Variants in MARK1 observed in about 807,000 individuals in gnomAD.
MARK1 encodes microtubule affinity regulating kinase 1, also known as serine/threonine-protein kinase MARK1.
Under a neutral mutation model 96.3 loss-of-function variants are expected in MARK1, and 40 were observed. The observed-to-expected ratio is 0.42, with a 90% confidence interval of 0.32 to 0.54. MARK1 has a LOEUF of 0.54. Ranked by LOEUF, MARK1 falls within the 20% of genes least tolerant of loss-of-function variation. The probability of loss-of-function intolerance (pLI) is 0.16; values close to 1 mark genes in which losing one functional copy is unlikely to be tolerated. For missense variants in MARK1, 719 were observed against 984.6 expected (o/e 0.73, Z 3.61); for synonymous variants, 317 against 341.2 (o/e 0.93, Z 0.78).
In MARK1 at chr1:220,590,240, CT is replaced by C. The variant is rs1351749862; in HGVS notation, c.310-8087del. ...TTAGACATTTGCTTAAGATGTGGTA[CT>C]TTTCAATTGGCCAAAATTCTCTAGA... On this transcript the variant is annotated intron_variant, in intron 3 of 17. Transcript: ENST00000366917. 2.2e-4 allele frequency among the ~76,000 whole-genome samples: 34 copies of C among 152,260 alleles called. No individual in the cohort carries two copies. The South Asian group carries it at 7.1e-3, about 32-fold the overall frequency.
In MARK1 at chr1:220,567,355, C is replaced by G. The variant is rs146203413; in HGVS notation, c.52-11999C>G. On this transcript the variant is annotated intron_variant, in intron 1 of 17. Coordinates refer to ENST00000366917, the MANE Select transcript of MARK1 (RefSeq NM_018650.5). ...TGGGAATTTATTTGTAGGCTAAAAT[C>G]TTAGAAGTGGAGTTGCTGGCTCATG... is the stretch of plus-strand genomic sequence containing the variant. Among the ~76,000 whole-genome samples the G allele has an allele frequency of 8.5e-5, 13 of 152,158 alleles. No individual in the cohort carries two copies. The East Asian group carries it at 2.5e-3, about 29-fold the overall frequency.
intron 7 of MARK1, among the ~76,000 whole-genome samples, chr1:220,617,085 C>T (rs1260510413): frequency 1.3e-5 from 2 of 152,102 alleles, no homozygotes; most frequent in East Asian, 3.9e-4. Flanking sequence ...TCACAAACAG[C>T]TGCAGAAATT....
At chr1:220,657,263 G>A (rs2103068999) in intron 16 of MARK1, among the ~76,000 whole-genome samples, 1 of 152,194 alleles carries the variant, frequency 6.6e-6, no homozygotes, top group Non-Finnish European at 1.5e-5. Context: ...TTGCCTACAT[G>A]GATAGGCTGT....
At chr1:220,586,882 C>G (rs1664661774) in intron 3 of MARK1, among the ~76,000 whole-genome samples, 1 of 152,110 alleles carries the variant, frequency 6.6e-6, no homozygotes, top group Admixed American at 6.5e-5. Context: ...ATAAACTAGT[C>G]TATTTTTAAT....
chr1:220,586,203 G>A (rs2102862261), intron 3 of MARK1, among the ~76,000 whole-genome samples: 1 of 152,078 alleles, frequency 6.6e-6, no homozygotes, highest in African/African-American at 2.4e-5. Flanking sequence ...CCACCTCATG[G>A]ACCATGAACT....
chr1:220,645,275 A>G (rs1668517839), intron 13 of MARK1, among the ~76,000 whole-genome samples: 1 of 152,224 alleles, frequency 6.6e-6, no homozygotes. Flanking sequence ...CCATCAGAGA[A>G]TACTAAAAAC....
intron 13 of MARK1, among the ~76,000 whole-genome samples, chr1:220,639,721 C>T (rs144118056): frequency 6.6e-6 from 1 of 152,314 alleles, no homozygotes; most frequent in East Asian, 1.9e-4. Flanking sequence ...CCTAAAACCT[C>T]AGCTCTGATG....
intron 3 of MARK1, among the ~76,000 whole-genome samples, chr1:220,596,528 T>C (rs1665366392): frequency 6.6e-6 from 1 of 152,220 alleles, no homozygotes. Flanking sequence ...AATTTATTTA[T>C]ATGAATATAC....
rs1242018582 is a variant in MARK1, at chr1:220,662,219, T to G, written c.*53T>G. ...AGATACATACATATATGAGGTACAG[T>G]TTTTGAATGTACTGGTAATGCCTAA... On this transcript the variant is annotated 3_prime_UTR_variant, in exon 18 of 18. Coordinates refer to ENST00000366917, the MANE Select transcript of MARK1 (RefSeq NM_018650.5). 3.7e-6 allele frequency: 5 copies of G among 1,362,692 alleles called. No individual in the cohort carries two copies. Among genetic ancestry groups the G allele is most frequent in the African/African-American group, 2.9e-5 (2 of 69,214 alleles). The allele number at this position is 1,362,692 out of a possible 1,614,324, so 84.4% of individuals were successfully genotyped here. A position where few individuals can be genotyped will look rare whatever the true frequency, so the allele number is the denominator to read the frequency against.
intron 7 of MARK1, among the ~76,000 whole-genome samples, chr1:220,617,706 A>G (rs962254695): frequency 6.6e-6 from 1 of 152,222 alleles, no homozygotes; most frequent in East Asian, 1.9e-4. Flanking sequence ...GTTTTAGAAC[A>G]GCAAAAAGAA....
intron 1 of MARK1, among the ~76,000 whole-genome samples, chr1:220,541,324 T>C (rs1215708505): frequency 6.6e-6 from 1 of 152,142 alleles, no homozygotes; most frequent in Non-Finnish European, 1.5e-5. Flanking sequence ...GTTTTGCTGT[T>C]GTATTTTTGT....
intron 1 of MARK1, among the ~76,000 whole-genome samples, chr1:220,556,485 C>CAGAAAA (rs1326514729): frequency 8.2e-5 from 7 of 85,818 alleles, no homozygotes; most frequent in African/African-American, 3.2e-4. Flanking sequence ...GGGACTGTCA[C>CAGAAAA]AAAAAAAAAA....
intron 6 of MARK1, among the ~76,000 whole-genome samples, chr1:220,609,664 A>G (rs1028229151): frequency 1.3e-5 from 2 of 152,146 alleles, no homozygotes; most frequent in African/African-American, 4.8e-5. Flanking sequence ...GGTCTTTACA[A>G]TGTGGCATGT....
rs2102675669 is a variant in MARK1, at chr1:220,528,719, C to T, written c.-104C>T. 4 of 1,082,646 alleles carry T rather than the reference C, an allele frequency of 3.7e-6. No homozygotes were observed. The highest frequency in any genetic ancestry group is 3.1e-4 in the Middle Eastern group (1 of 3,268). The allele number at this position is 1,082,646 out of a possible 1,614,324, so 67.1% of individuals were successfully genotyped here. On this transcript the variant is annotated 5_prime_UTR_variant, in exon 1 of 18. Transcript: ENST00000366917. Reference sequence around the variant, plus strand: ...CCCCGCGGCCTGCGGGAGCCGCTCGCCCCGGCCTTGTGCTCGCGTCCGCAC... The same window carrying T: ...CCCCGCGGCCTGCGGGAGCCGCTCGTCCCGGCCTTGTGCTCGCGTCCGCAC...
intron 6 of MARK1, among the ~76,000 whole-genome samples, chr1:220,607,656 G>GT (rs1666165915): frequency 6.6e-6 from 1 of 152,066 alleles, no homozygotes; most frequent in African/African-American, 2.4e-5. Context: ...AATGCTTCCA[G>GT]TTTTTGCCCA....
At chr1:220,645,490 G>T (rs1668528934) in intron 13 of MARK1, among the ~76,000 whole-genome samples, 1 of 152,176 alleles carries the variant, frequency 6.6e-6, no homozygotes, top group Non-Finnish European at 1.5e-5. Flanking sequence ...GAGGTACAAA[G>T]AGGAGCTGAA....
intron 9 of MARK1, among the ~76,000 whole-genome samples, chr1:220,622,981 G>A (rs570562626): frequency 1.3e-5 from 2 of 152,254 alleles, no homozygotes; most frequent in South Asian, 4.2e-4. Context: ...TAATTATTTT[G>A]TTAATATAAC....
intron 13 of MARK1, among the ~76,000 whole-genome samples, chr1:220,637,131 C>T (rs1376177364): frequency 6.6e-6 from 1 of 151,998 alleles, no homozygotes; most frequent in Non-Finnish European, 1.5e-5. Flanking sequence ...TTTGAAAACA[C>T]CTTAGTTGGA....
At chr1:220,625,443 A>G (rs1169496081) in intron 9 of MARK1, among the ~76,000 whole-genome samples, 2 of 152,236 alleles carry the variant, frequency 1.3e-5, no homozygotes, top group African/African-American at 4.8e-5. Context: ...TGGTGGAGAT[A>G]CATGATTAAC....
Sources: allele counts gnomAD v4.1 joint callset (sites outside exome capture counted in the v4.1 genomes callset), GRCh38; gene constraint gnomAD v4.1.1; transcripts MANE v1.5; gene names NCBI Gene and HGNC (gene_info 2026-07-23, HGNC 2026-07-21).